ADK: variants seen among roughly 807,000 people sequenced by gnomAD.
ADK encodes the protein adenosine kinase.
ADK carries 24 observed loss-of-function variants against 44.7 expected under a neutral mutation model. That is an observed-to-expected ratio of 0.54 (90% CI 0.39 to 0.76). The LOEUF (loss-of-function observed/expected upper bound fraction) is 0.76, where lower values mean the gene tolerates loss of function less well. Among genes scored for constraint, ADK ranks in the 30% least tolerant of loss-of-function variants. ADK has a pLI of 0.00. For missense variants in ADK, 321 were observed against 425.1 expected (o/e 0.76, Z 2.15); for synonymous variants, 128 against 142.6 (o/e 0.90, Z 0.73).
chr10:74,222,953 C>T (rs761563801), intron 2 of ADK, among the ~76,000 whole-genome samples: 4 of 151,886 alleles, frequency 2.6e-5, no homozygotes, highest in Admixed American at 6.6e-5. Context: ...ATGTCACATG[C>T]ATACATATGC....
chr10:74,685,655 G>C (rs1257397676), intron 10 of ADK, among the ~76,000 whole-genome samples: 1 of 152,148 alleles, frequency 6.6e-6, no homozygotes. Flanking sequence ...AAAACATAAA[G>C]GATATGGATT....
At chr10:74,415,386 C>T (rs1844333642) in intron 6 of ADK, among the ~76,000 whole-genome samples, 1 of 152,194 alleles carries the variant, frequency 6.6e-6, no homozygotes, top group African/African-American at 2.4e-5. Flanking sequence ...ATTCAGATGG[C>T]AGTGTACATT....
rs1433321402 is a variant in ADK at position 74,186,242 on chromosome 10, C to G, written c.66-14522C>G. On this transcript the variant is annotated intron_variant, in intron 1 of 10. Coordinates refer to ENST00000539909, the MANE Select transcript of ADK (RefSeq NM_006721.4). ...TTTCCCTTCCCCTCCTTTCCCTTCC[C>G]CTTCCGCCTTTCCCCTTTCCCTTCT... Among the ~76,000 whole-genome samples, 7 of 149,896 alleles carry G rather than the reference C, an allele frequency of 4.7e-5. No individual in the cohort carries two copies. In the Admixed American group the frequency reaches 4.7e-4, roughly 10 times the overall value.
chr10:74,610,091 A>G (rs1311822169), intron 9 of ADK, among the ~76,000 whole-genome samples: 2 of 152,216 alleles, frequency 1.3e-5, no homozygotes, highest in African/African-American at 2.4e-5. Flanking sequence ...TAATTGAAGC[A>G]GGAACCTAAA....
intron 1 of ADK, among the ~76,000 whole-genome samples, chr10:74,173,207 C>T (rs1165374751): frequency 7.9e-5 from 12 of 151,180 alleles, no homozygotes; most frequent in Admixed American, 2.0e-4. Context: ...TCTCCTGCCT[C>T]AGCCTCCCAA....
intron 3 of ADK, among the ~76,000 whole-genome samples, chr10:74,313,316 T>C (rs1386241221): frequency 6.6e-6 from 1 of 152,104 alleles, no homozygotes; most frequent in Non-Finnish European, 1.5e-5. Context: ...ATTCCATCTT[T>C]CTTCTGTTTT....
intron 5 of ADK, among the ~76,000 whole-genome samples, chr10:74,396,601 T>C (rs1843517470): frequency 6.6e-6 from 1 of 152,200 alleles, no homozygotes; most frequent in Non-Finnish European, 1.5e-5. Context: ...AGTATCTTTC[T>C]TGATCCAGGT....
chr10:74,219,359 A>G (rs1564600554), intron 2 of ADK, among the ~76,000 whole-genome samples: 6 of 152,198 alleles, frequency 3.9e-5, no homozygotes, highest in Non-Finnish European at 7.3e-5. Flanking sequence ...AAGCACCCAG[A>G]TTCATAAAGC....
chr10:74,463,483 A>T (rs1012132567), intron 6 of ADK, among the ~76,000 whole-genome samples: 1 of 152,144 alleles, frequency 6.6e-6, no homozygotes, highest in Non-Finnish European at 1.5e-5. Flanking sequence ...TCGCACTCTA[A>T]TGAGAATCTA....
chr10:74,614,284 C>T (rs1189752713), intron 9 of ADK, among the ~76,000 whole-genome samples: 4 of 151,872 alleles, frequency 2.6e-5, no homozygotes, highest in Non-Finnish European at 2.9e-5. Flanking sequence ...AGATATAAGC[C>T]CTATTATAGC....
At chr10:74,564,306 A>G (rs1046456340) in intron 7 of ADK, among the ~76,000 whole-genome samples, 1 of 152,200 alleles carries the variant, frequency 6.6e-6, no homozygotes, top group African/African-American at 2.4e-5. Context: ...TTAAAAAAAG[A>G]AAAACACTAT....
Position 74,267,754 on chromosome 10 carries a change from T to TTTTGTG in ADK, c.194+43164_194+43165insTTGTGT, listed in dbSNP as rs1554835954. The stretch of plus-strand genomic sequence containing the variant: ...ATCAGCTATTGGCTTATATCCTTAT[T>TTTTGTG]TGTGTGTGTGTGTGTGTGTGTGTGT... On this transcript the variant is annotated intron_variant, in intron 3 of 10. Transcript: ENST00000539909. Among the ~76,000 whole-genome samples, 261 of 132,838 alleles carry TTTTGTG rather than the reference T, an allele frequency of 2.0e-3. 2 individuals are homozygous for TTTTGTG. Among genetic ancestry groups the TTTTGTG allele is most frequent in the South Asian group, 0.011 (42 of 3,976 alleles). 87.1% of individuals were successfully genotyped at this position (132,838 alleles called of 152,430 possible). A position where few individuals can be genotyped will look rare whatever the true frequency, so the allele number is the denominator to read the frequency against.
intron 9 of ADK, among the ~76,000 whole-genome samples, chr10:74,633,689 A>G (rs1853519604): frequency 6.6e-6 from 1 of 152,232 alleles, no homozygotes; most frequent in South Asian, 2.1e-4. Flanking sequence ...TTAACAAAAT[A>G]TTACAAAACC....
intron 6 of ADK, among the ~76,000 whole-genome samples, chr10:74,469,998 AAT>A (rs1463445233): frequency 3.3e-5 from 5 of 149,448 alleles, no homozygotes; most frequent in African/African-American, 4.9e-5. Flanking sequence ...TAGGCCAAGT[AAT>A]ATTCCATTTT....
At chr10:74,176,578 G>T (rs1210593199) in intron 1 of ADK, 2 of 1,353,960 alleles carry the variant, frequency 1.5e-6, no homozygotes, top group East Asian at 5.8e-5. Context: ...TGGCCACCGC[G>T]CCCGCTAGTC....
intron 3 of ADK, among the ~76,000 whole-genome samples, chr10:74,300,362 T>TTCCTTC (rs1564641103): frequency 1.2e-4 from 7 of 57,536 alleles, no homozygotes; most frequent in East Asian, 3.6e-4. Context: ...TTCCTTCCTT[T>TTCCTTC]CTTTCTTTCT....
At chr10:74,384,148 T>A (rs1843064718) in intron 4 of ADK, among the ~76,000 whole-genome samples, 1 of 152,204 alleles carries the variant, frequency 6.6e-6, no homozygotes. Flanking sequence ...ATGTAAGCTT[T>A]ATGTACCCTT....
intron 1 of ADK, among the ~76,000 whole-genome samples, chr10:74,165,921 A>G (rs911816901): frequency 2.6e-5 from 4 of 152,178 alleles, no homozygotes; most frequent in Non-Finnish European, 2.9e-5. Flanking sequence ...AACTCATTGA[A>G]CTGGAATTTT....
intron 7 of ADK, among the ~76,000 whole-genome samples, chr10:74,569,599 C>A (rs1850852099): frequency 6.6e-6 from 1 of 152,134 alleles, no homozygotes; most frequent in Non-Finnish European, 1.5e-5. Flanking sequence ...CTGTTCATAT[C>A]CTTCGCCCAC....
Sources: gnomAD v4.1 joint callset for allele counts (sites outside exome capture counted in the v4.1 genomes callset) on GRCh38, gnomAD v4.1.1 for gene constraint, MANE v1.5 for transcripts, NCBI Gene and HGNC (gene_info 2026-07-23, HGNC 2026-07-21) for gene names.